The following RABGAP1L variants were observed in gnomAD, a reference collection of about 807,000 sequenced individuals.
The protein encoded by RABGAP1L is RAB GTPase activating protein 1 like.
Under a neutral mutation model 137.7 loss-of-function variants are expected in RABGAP1L, and 63 were observed. That is an observed-to-expected ratio of 0.46 (90% CI 0.37 to 0.56). The LOEUF (loss-of-function observed/expected upper bound fraction) is 0.56, where lower values mean the gene tolerates loss of function less well. Among genes scored for constraint, RABGAP1L ranks in the 20% least tolerant of loss-of-function variants. RABGAP1L has a pLI of 0.00. For missense variants in RABGAP1L, 1,095 were observed against 1,244.0 expected (o/e 0.88, Z 1.80); for synonymous variants, 431 against 433.7 (o/e 0.99, Z 0.08).
intron 18 of RABGAP1L, among the ~76,000 whole-genome samples, chr1:174,777,189 A>AT (rs1183642120): frequency 2.6e-5 from 4 of 152,134 alleles, no homozygotes; most frequent in African/African-American, 7.2e-5. Flanking sequence ...TTAAATAAGA[A>AT]TTTTTTTTCT....
At chr1:174,227,453 G>A (rs960613626) in intron 3 of RABGAP1L, among the ~76,000 whole-genome samples, 1 of 151,554 alleles carries the variant, frequency 6.6e-6, no homozygotes, top group Non-Finnish European at 1.5e-5. Flanking sequence ...TGCCTGCCTG[G>A]GCCTACCAAA....
intron 17 of RABGAP1L, among the ~76,000 whole-genome samples, chr1:174,739,503 G>A (rs887745188): frequency 1.3e-5 from 2 of 152,094 alleles, no homozygotes; most frequent in African/African-American, 2.4e-5. Flanking sequence ...TTCTCAGTCT[G>A]GTTTCATACT....
intron 14 of RABGAP1L, among the ~76,000 whole-genome samples, chr1:174,659,812 GT>G (rs955100670): frequency 1.3e-5 from 2 of 151,572 alleles, no homozygotes; most frequent in African/African-American, 4.8e-5. Flanking sequence ...CTCACCCGTA[GT>G]TTTTTTTTCC....
intron 13 of RABGAP1L, among the ~76,000 whole-genome samples, chr1:174,423,800 A>T (rs1651636826): frequency 6.6e-6 from 1 of 152,042 alleles, no homozygotes. Flanking sequence ...CTCAAATCTA[A>T]TTTTGGAACA....
At chr1:174,518,054 C>T (rs567671662) in intron 13 of RABGAP1L, among the ~76,000 whole-genome samples, 2 of 152,090 alleles carry the variant, frequency 1.3e-5, no homozygotes, top group East Asian at 1.9e-4. Context: ...CAACCATGGT[C>T]GTACATTAAA....
At chr1:174,277,850 T>C (rs1675128719) in intron 9 of RABGAP1L, among the ~76,000 whole-genome samples, 1 of 152,142 alleles carries the variant, frequency 6.6e-6, no homozygotes, top group Non-Finnish European at 1.5e-5. Flanking sequence ...TTCTCTTGAA[T>C]TGGCAGGTGT....
At chr1:174,699,485 G>A in intron 15 of RABGAP1L, 40 bp from the exon 16 acceptor site, 1 of 1,563,322 alleles carries the variant, frequency 6.4e-7, no homozygotes, top group South Asian at 1.2e-5. Flanking sequence ...CTGGCAAAAT[G>A]CCACTTATTT....
intron 19 of RABGAP1L, among the ~76,000 whole-genome samples, chr1:174,849,484 A>G (rs1647835436): frequency 6.6e-6 from 1 of 152,212 alleles, no homozygotes; most frequent in South Asian, 2.1e-4. Flanking sequence ...AAATATGCCT[A>G]TGCCAAATTA....
intron 14 of RABGAP1L, among the ~76,000 whole-genome samples, chr1:174,663,590 G>GT (rs1676550077): frequency 2.6e-5 from 4 of 152,140 alleles, no homozygotes; most frequent in African/African-American, 9.7e-5. Flanking sequence ...GTGCATATAT[G>GT]TATATATACT....
intron 13 of RABGAP1L, among the ~76,000 whole-genome samples, chr1:174,536,221 A>T (rs1383528038): frequency 6.6e-6 from 1 of 152,036 alleles, no homozygotes; most frequent in African/African-American, 2.4e-5. Context: ...AAACCTCTGG[A>T]AATTTAATGT....
intron 13 of RABGAP1L, among the ~76,000 whole-genome samples, chr1:174,518,168 A>G (rs1336812055): frequency 6.6e-6 from 1 of 152,188 alleles, no homozygotes; most frequent in East Asian, 1.9e-4. Flanking sequence ...ATTCTGATTT[A>G]AGTTGTCTGG....
At chr1:174,819,646 T>C (rs1296928582) in intron 19 of RABGAP1L, among the ~76,000 whole-genome samples, 2 of 152,160 alleles carry the variant, frequency 1.3e-5, no homozygotes, top group Non-Finnish European at 2.9e-5. Context: ...AAAAGCAGCA[T>C]ATGCAAAGCC....
At position 174,221,088 on chromosome 1, in the gene RABGAP1L, C is replaced by G; in HGVS notation, c.255C>G (p.Asp85Glu). ...GTCAAAGTTCCAGTGAGATTTCAGA[C>G]CATTCGTTTGGAGATATTCCAGCCA... ...VDCQSSSEISDHSFGDIPASQ... is the reference protein window; with the variant it reads ...VDCQSSSEISEHSFGDIPASQ... Residue 85 changes from aspartate to glutamate, a missense_variant, in exon 3 of 26, where the codon GAC becomes GAG. Physicochemically the swap from Asp to Glu is conservative, Grantham distance 45 (BLOSUM62 2). Transcript: ENST00000681986. The G allele has an allele frequency of 1.2e-6, 2 of 1,613,926 alleles. No individual in the cohort carries two copies. Among genetic ancestry groups the G allele is most frequent in the Non-Finnish European group, 1.7e-6 (2 of 1,179,900 alleles).
chr1:174,514,538 C>A (rs1662642124), intron 13 of RABGAP1L, among the ~76,000 whole-genome samples: 1 of 152,110 alleles, frequency 6.6e-6, no homozygotes, highest in East Asian at 1.9e-4. Context: ...CTTGTTTAAA[C>A]GTTGCACTGC....
At chr1:174,408,962 G>C (rs1649595027) in intron 13 of RABGAP1L, among the ~76,000 whole-genome samples, 1 of 152,034 alleles carries the variant, frequency 6.6e-6, no homozygotes, top group Non-Finnish European at 1.5e-5. Flanking sequence ...TCTAATGTTA[G>C]ACCTTTGTCA....
At chr1:174,509,902 T>A (rs1662175828) in intron 13 of RABGAP1L, among the ~76,000 whole-genome samples, 1 of 152,220 alleles carries the variant, frequency 6.6e-6, no homozygotes, top group Non-Finnish European at 1.5e-5. Context: ...TCTACTTATG[T>A]AACATCATCA....
intron 18 of RABGAP1L, among the ~76,000 whole-genome samples, chr1:174,766,518 G>A (rs1685682932): frequency 6.6e-6 from 1 of 152,206 alleles, no homozygotes; most frequent in South Asian, 2.1e-4. Flanking sequence ...TTGAGATAAG[G>A]AAGTGTGCAT....
chr1:174,743,233 G>T (rs1207938408), intron 17 of RABGAP1L, among the ~76,000 whole-genome samples: 1 of 152,098 alleles, frequency 6.6e-6, no homozygotes. Context: ...ACTAGAGAGG[G>T]GTAAGGAAGC....
intron 19 of RABGAP1L, among the ~76,000 whole-genome samples, chr1:174,889,994 C>T (rs1655852420): frequency 6.6e-6 from 1 of 152,172 alleles, no homozygotes; most frequent in Non-Finnish European, 1.5e-5. Context: ...CCTGCCTTGA[C>T]TTCCCAAAGA....
Sources: allele counts gnomAD v4.1 joint callset (sites outside exome capture counted in the v4.1 genomes callset), GRCh38; gene constraint gnomAD v4.1.1; transcripts MANE v1.5; gene names NCBI Gene and HGNC (gene_info 2026-07-23, HGNC 2026-07-21).